Variants in SCFD2 observed in about 807,000 individuals in gnomAD.
SCFD2 encodes sec1 family domain-containing protein 2.
In SCFD2, 54 loss-of-function variants were observed where a neutral mutation model predicts 58.9. The observed-to-expected ratio is 0.92, with a 90% CI of 0.74 to 1.15. The LOEUF (loss-of-function observed/expected upper bound fraction) is 1.15. Among genes scored for constraint, SCFD2 ranks in the 50% most tolerant of loss-of-function variants. The pLI is 0.00. For synonymous variants in SCFD2, 321 were observed against 335.9 expected (o/e 0.96, Z 0.49); for missense variants, 805 against 836.6 (o/e 0.96, Z 0.47).
intron 5 of SCFD2, among the ~76,000 whole-genome samples, chr4:53,011,491 TTC>T (rs1560509253): frequency 2.0e-5 from 3 of 152,200 alleles, no homozygotes; most frequent in African/African-American, 7.2e-5. Context: ...ATATGCAGTG[TTC>T]TCTCTGTTCA....
intron 2 of SCFD2, among the ~76,000 whole-genome samples, chr4:53,339,732 T>G (rs113186932): frequency 5.5e-4 from 84 of 151,752 alleles, no homozygotes; most frequent in African/African-American, 1.5e-3. Flanking sequence ...ATTGCACCAC[T>G]GCACTCCAAC....
chr4:52,899,683 T>C (rs1175178887), intron 7 of SCFD2, among the ~76,000 whole-genome samples: 1 of 152,224 alleles, frequency 6.6e-6, no homozygotes, highest in Non-Finnish European at 1.5e-5. Flanking sequence ...TTTCCTGAAT[T>C]TGAATGTTGG....
rs552619312 is a variant in SCFD2 at position 53,255,366 on chromosome 4, G to A, written c.1311+18460C>T. Among the ~76,000 whole-genome samples, 5 of 152,196 alleles carry A rather than the reference G, an allele frequency of 3.3e-5. No homozygotes were observed. In the South Asian group the frequency reaches 8.3e-4, roughly 25 times the overall value. On this transcript the variant is annotated intron_variant, in intron 4 of 8. Coordinates refer to ENST00000401642, the MANE Select transcript of SCFD2 (RefSeq NM_152540.4). ...TAGGCAGAGGACCCTGCGGCCTTCCGCAGTGTTTGTGTCCCTGGGTACTTA... is the reference window on the plus strand; with the variant it reads ...TAGGCAGAGGACCCTGCGGCCTTCCACAGTGTTTGTGTCCCTGGGTACTTA...
chr4:53,301,143 A>G (rs1247988529), intron 3 of SCFD2, among the ~76,000 whole-genome samples: 1 of 152,200 alleles, frequency 6.6e-6, no homozygotes, highest in Non-Finnish European at 1.5e-5. Flanking sequence ...ACCCTTCAAA[A>G]AATCAATAAA....
chr4:52,988,951 G>A (rs756029232), intron 5 of SCFD2, among the ~76,000 whole-genome samples: 9 of 152,052 alleles, frequency 5.9e-5, no homozygotes, highest in Admixed American at 2.0e-4. Context: ...ACAATGTGTC[G>A]ACTATCTACC....
At chr4:53,042,848 A>C (rs1032988143) in intron 5 of SCFD2, among the ~76,000 whole-genome samples, 144 of 152,120 alleles carry the variant, frequency 9.5e-4, no homozygotes, top group Non-Finnish European at 7.9e-4. Context: ...TCTCCTTGGG[A>C]CTATGGATTG....
At chr4:53,068,291 A>G (rs1287426177) in intron 5 of SCFD2, among the ~76,000 whole-genome samples, 2 of 152,124 alleles carry the variant, frequency 1.3e-5, no homozygotes, top group African/African-American at 2.4e-5. Flanking sequence ...CATAAATTTA[A>G]CTGTCAGAAA....
chr4:53,132,184 C>T (rs563518090), intron 5 of SCFD2, among the ~76,000 whole-genome samples: 6 of 152,328 alleles, frequency 3.9e-5, no homozygotes, highest in East Asian at 1.9e-4. Context: ...TTCTACATAG[C>T]TTGTGATATA....
intron 2 of SCFD2, among the ~76,000 whole-genome samples, chr4:53,321,417 G>A (rs1208427717): frequency 1.3e-5 from 2 of 151,904 alleles, no homozygotes; most frequent in East Asian, 1.9e-4. Context: ...TCAAGTAGAA[G>A]GCATGCAATT....
chr4:53,224,208 G>A (rs939646371), intron 4 of SCFD2, among the ~76,000 whole-genome samples: 62 of 152,002 alleles, frequency 4.1e-4, no homozygotes, highest in African/African-American at 1.4e-3. Flanking sequence ...AACCAACATG[G>A]TAAAACCCCA....
chr4:52,969,133 C>T (rs765022791), intron 5 of SCFD2, among the ~76,000 whole-genome samples: 4 of 152,080 alleles, frequency 2.6e-5, no homozygotes, highest in Non-Finnish European at 4.4e-5. Context: ...CGTGATGTCT[C>T]CCCTTAGTAA....
intron 4 of SCFD2, among the ~76,000 whole-genome samples, chr4:53,242,048 C>T (rs1729910102): frequency 6.6e-6 from 1 of 152,358 alleles, no homozygotes; most frequent in African/African-American, 2.4e-5. Context: ...AGCTGTGCTG[C>T]CATTGCTGCA....
chr4:52,917,726 C>T (rs1214159298), intron 6 of SCFD2, among the ~76,000 whole-genome samples: 1 of 152,146 alleles, frequency 6.6e-6, no homozygotes, highest in African/African-American at 2.4e-5. Flanking sequence ...GAGGTCTAGT[C>T]CAGATCCCAC....
At chr4:53,151,958 T>A (rs1358856557) in intron 4 of SCFD2, among the ~76,000 whole-genome samples, 2 of 152,192 alleles carry the variant, frequency 1.3e-5, no homozygotes, top group African/African-American at 2.4e-5. Flanking sequence ...AGATCTTTTA[T>A]GAACTCAAAG....
At chr4:53,058,850 A>G (rs1411323197) in intron 5 of SCFD2, among the ~76,000 whole-genome samples, 1 of 152,176 alleles carries the variant, frequency 6.6e-6, no homozygotes, top group Non-Finnish European at 1.5e-5. Context: ...AAAAACAGGT[A>G]CCACAAAGAA....
At chr4:53,356,805 C>T (rs7686177) in intron 1 of SCFD2, among the ~76,000 whole-genome samples, 81,065 of 147,074 alleles carry the variant, frequency 0.55, 24,428 homozygotes, top group Non-Finnish European at 0.67. Flanking sequence ...GGCGCGATCT[C>T]GGCTCACTGC....
At chr4:53,239,450 G>A (rs1391176493) in intron 4 of SCFD2, among the ~76,000 whole-genome samples, 2 of 147,746 alleles carry the variant, frequency 1.4e-5, no homozygotes, top group Admixed American at 6.7e-5. Context: ...GAGAGGGAGA[G>A]GGAGAGGGAG....
intron 4 of SCFD2, among the ~76,000 whole-genome samples, chr4:53,191,912 A>C (rs530096926): frequency 2.6e-5 from 4 of 152,288 alleles, no homozygotes; most frequent in Admixed American, 6.5e-5. Flanking sequence ...TTTCCAGTAG[A>C]GACCACTCTA....
chr4:53,206,177 A>C (rs1338225341), intron 4 of SCFD2, among the ~76,000 whole-genome samples: 1 of 152,142 alleles, frequency 6.6e-6, no homozygotes, highest in Non-Finnish European at 1.5e-5. Flanking sequence ...AATGACTAAT[A>C]ATGTCACTTC....
Sources: allele counts gnomAD v4.1 joint callset (sites outside exome capture counted in the v4.1 genomes callset), GRCh38; gene constraint gnomAD v4.1.1; transcripts MANE v1.5; gene names NCBI Gene and HGNC (gene_info 2026-07-23, HGNC 2026-07-21).